Variants in BACH2 observed in about 807,000 individuals in gnomAD.
BACH2 encodes the protein transcription regulator protein BACH2.
A neutral mutation model predicts 61.8 loss-of-function variants in BACH2; 5 were observed. That is an observed-to-expected ratio of 0.08 (90% CI 0.04 to 0.17). The LOEUF is 0.17. BACH2 is among the 10% of genes least tolerant of loss of function. The pLI, the probability that BACH2 is intolerant of heterozygous loss-of-function variation, is 1.00. For synonymous variants in BACH2, 446 were observed against 440.1 expected (o/e 1.01, Z -0.17); for missense variants, 824 against 1,091.1 (o/e 0.76, Z 3.45).
intron 3 of BACH2, among the ~76,000 whole-genome samples, chr6:90,221,290 G>A (rs1769726194): frequency 6.6e-6 from 1 of 152,052 alleles, no homozygotes; most frequent in African/African-American, 2.4e-5. Context: ...TTAATCATAA[G>A]CCACCCAGTG....
At chr6:90,199,284 A>G (rs1768874061) in intron 4 of BACH2, among the ~76,000 whole-genome samples, 1 of 152,186 alleles carries the variant, frequency 6.6e-6, no homozygotes, top group Non-Finnish European at 1.5e-5. Flanking sequence ...AGAAAGGAGG[A>G]GAAGAGATGG....
chr6:90,102,051 T>C (rs1442421811), intron 4 of BACH2, among the ~76,000 whole-genome samples: 2 of 152,206 alleles, frequency 1.3e-5, no homozygotes, highest in African/African-American at 4.8e-5. Flanking sequence ...GTGTGGTTTA[T>C]TTTTTCTTCT....
intron 6 of BACH2, among the ~76,000 whole-genome samples, chr6:89,962,976 G>A (rs1057327361): frequency 6.6e-6 from 1 of 152,130 alleles, no homozygotes; most frequent in African/African-American, 2.4e-5. Context: ...CTAGTAAAGG[G>A]TTGATATATA....
At chr6:89,974,432 G>C (rs1249169968) in intron 6 of BACH2, among the ~76,000 whole-genome samples, 2 of 152,340 alleles carry the variant, frequency 1.3e-5, no homozygotes, top group East Asian at 1.9e-4. Context: ...TTAGACACAA[G>C]GGATATGCAA....
intron 4 of BACH2, among the ~76,000 whole-genome samples, chr6:90,192,305 CTTTT>C (rs370512757): frequency 7.0e-6 from 1 of 143,486 alleles, no homozygotes. Context: ...TTCTCGATTC[CTTTT>C]TTTTTTTTTA....
chr6:90,190,404 T>C (rs1009569802), intron 4 of BACH2, among the ~76,000 whole-genome samples: 2 of 152,264 alleles, frequency 1.3e-5, no homozygotes, highest in Admixed American at 6.5e-5. Flanking sequence ...TCACTTCTAA[T>C]TGATTTACTA....
chr6:89,967,882 T>C lies in BACH2; in HGVS notation c.244-16020A>G, dbSNP rs148512426. ...AATCAAAGGGAGGCTGGAGAGTCTC[T>C]GAGTTAATGCTTCTGACATGGACTA... is the stretch of plus-strand genomic sequence containing the variant. On this transcript the variant is annotated intron_variant, in intron 6 of 8. Transcript: ENST00000257749. Among the ~76,000 whole-genome samples the C allele has an allele frequency of 1.1e-3, 169 of 152,322 alleles. 1 individual carries two copies. Among genetic ancestry groups the C allele is most frequent in the African/African-American group, 3.7e-3 (152 of 41,570 alleles).
chr6:90,027,090 T>C (rs920003181), intron 5 of BACH2, among the ~76,000 whole-genome samples: 6 of 152,136 alleles, frequency 3.9e-5, no homozygotes, highest in Non-Finnish European at 8.8e-5. Context: ...ATGAAAACCA[T>C]GAGGCTAAGA....
At chr6:90,155,764 G>GCTTATT (rs1408768621) in intron 4 of BACH2, among the ~76,000 whole-genome samples, 7 of 151,940 alleles carry the variant, frequency 4.6e-5, no homozygotes, top group African/African-American at 1.7e-4. Context: ...CTTGTTTATT[G>GCTTATT]CTTATTTTCT....
intron 5 of BACH2, among the ~76,000 whole-genome samples, chr6:90,056,744 T>C (rs892413676): frequency 1.3e-5 from 2 of 152,176 alleles, no homozygotes; most frequent in African/African-American, 2.4e-5. Context: ...TCAGCAAATG[T>C]AGAAGAACAG....
At chr6:89,984,552 T>G (rs945104715) in intron 6 of BACH2, among the ~76,000 whole-genome samples, 2 of 152,130 alleles carry the variant, frequency 1.3e-5, no homozygotes, top group African/African-American at 4.8e-5. Flanking sequence ...CAGACACAAG[T>G]GTGTTCATCT....
At chr6:90,190,823 A>G (rs1353038433) in intron 4 of BACH2, among the ~76,000 whole-genome samples, 1 of 152,192 alleles carries the variant, frequency 6.6e-6, no homozygotes, top group Non-Finnish European at 1.5e-5. Context: ...CCCCAGACCA[A>G]CGACTCTGAT....
chr6:90,060,965 T>C (rs1285846314), intron 5 of BACH2, among the ~76,000 whole-genome samples: 4 of 152,210 alleles, frequency 2.6e-5, no homozygotes, highest in Non-Finnish European at 5.9e-5. Flanking sequence ...GTATTTTTTT[T>C]CTTAGATATT....
intron 6 of BACH2, among the ~76,000 whole-genome samples, chr6:89,991,268 C>A (rs560831077): frequency 6.6e-6 from 1 of 152,186 alleles, no homozygotes; most frequent in Non-Finnish European, 1.5e-5. Context: ...TATTTATTTT[C>A]CCCAACTTTC....
intron 8 of BACH2, among the ~76,000 whole-genome samples, chr6:89,935,812 T>C (rs1331102595): frequency 6.6e-6 from 1 of 152,202 alleles, no homozygotes; most frequent in Non-Finnish European, 1.5e-5. Flanking sequence ...GTTATTTTAC[T>C]ACCTTAAGAG....
intron 4 of BACH2, among the ~76,000 whole-genome samples, chr6:90,092,999 C>A (rs2127808848): frequency 6.6e-6 from 1 of 152,202 alleles, no homozygotes; most frequent in South Asian, 2.1e-4. Context: ...CTTGAGCAGC[C>A]CCCAACTCCC....
chr6:90,168,225 G>A (rs1247203936), intron 4 of BACH2, among the ~76,000 whole-genome samples: 2 of 152,040 alleles, frequency 1.3e-5, no homozygotes, highest in Non-Finnish European at 2.9e-5. Flanking sequence ...AGGTGTGGTG[G>A]TGCCTATAGT....
chr6:90,169,786 T>C (rs1406393152), intron 4 of BACH2, among the ~76,000 whole-genome samples: 3 of 152,218 alleles, frequency 2.0e-5, no homozygotes, highest in African/African-American at 7.2e-5. Flanking sequence ...ACTAAAGAAA[T>C]GAATGGGCTT....
intron 4 of BACH2, among the ~76,000 whole-genome samples, chr6:90,133,471 G>A (rs1177697764): frequency 6.6e-6 from 1 of 152,100 alleles, no homozygotes; most frequent in Non-Finnish European, 1.5e-5. Context: ...ATGTAAGGAA[G>A]GGAGAAGAAG....
Sources: gnomAD v4.1 joint callset for allele counts (sites outside exome capture counted in the v4.1 genomes callset) on GRCh38, gnomAD v4.1.1 for gene constraint, MANE v1.5 for transcripts, NCBI Gene and HGNC (gene_info 2026-07-23, HGNC 2026-07-21) for gene names.